Variants in THSD4 observed in about 807,000 individuals in gnomAD.
THSD4 encodes thrombospondin type 1 domain containing 4.
THSD4 carries 69 observed loss-of-function variants against 119.0 expected under a neutral mutation model. The ratio of observed to expected loss-of-function variants is 0.58; its 90% confidence interval spans 0.48 to 0.71. THSD4 has a LOEUF of 0.71. Ranked by LOEUF, THSD4 falls within the 30% of genes least tolerant of loss-of-function variation. The probability of loss-of-function intolerance (pLI) is 0.00; values close to 1 mark genes in which losing one functional copy is unlikely to be tolerated. For synonymous variants in THSD4, 524 were observed against 540.4 expected (o/e 0.97, Z 0.42); for missense variants, 1,393 against 1,391.1 (o/e 1.00, Z -0.02).
intron 7 of THSD4, among the ~76,000 whole-genome samples, chr15:71,467,067 G>A (rs12907251): frequency 0.18 from 27,019 of 152,180 alleles, 2,741 homozygotes; most frequent in South Asian, 0.36. Flanking sequence ...ACCATTTCCC[G>A]TGGCTTCCAG....
At chr15:71,513,087 A>G (rs1278613901) in intron 7 of THSD4, among the ~76,000 whole-genome samples, 1 of 149,638 alleles carries the variant, frequency 6.7e-6, no homozygotes, top group Non-Finnish European at 1.5e-5. Flanking sequence ...AGTGTTGAAG[A>G]AGATGCAGAA....
At chr15:71,365,606 T>G (rs1472491691) in intron 6 of THSD4, among the ~76,000 whole-genome samples, 2 of 152,216 alleles carry the variant, frequency 1.3e-5, no homozygotes, top group African/African-American at 4.8e-5. Flanking sequence ...GTTCTCTTGC[T>G]TCCTTGGGAG....
intron 6 of THSD4, among the ~76,000 whole-genome samples, chr15:71,266,532 C>G (rs183014907): frequency 1.3e-5 from 2 of 152,080 alleles, no homozygotes; most frequent in East Asian, 3.9e-4. Flanking sequence ...CTGAAAATTC[C>G]AAAAACCAGA....
chr15:71,589,230 T>TTATGATCTGTGCAGCAAACCACCATGG (rs1199518685), intron 7 of THSD4, among the ~76,000 whole-genome samples: 7 of 142,112 alleles, frequency 4.9e-5, no homozygotes, highest in Admixed American at 7.0e-5. Flanking sequence ...TTGAATATAT[T>TTATGATCTGTGCAGCAAACCACCATGG]AAAGGACATA....
chr15:71,720,120 G>A (rs531176410), intron 8 of THSD4, among the ~76,000 whole-genome samples: 4 of 132,904 alleles, frequency 3.0e-5, no homozygotes, highest in Non-Finnish European at 6.2e-5. Flanking sequence ...GTACAATTAC[G>A]GCTCACTGCA....
rs563280153 is a variant in THSD4, at chr15:71,698,208, A to G, written c.1358-30341A>G. Among the ~76,000 whole-genome samples, 7 of 152,324 alleles carry G rather than the reference A, an allele frequency of 4.6e-5. 1 individual carries two copies. The South Asian group carries it at 8.3e-4, about 18-fold the overall frequency. On this transcript the variant is annotated intron_variant, in intron 8 of 17. Transcript: ENST00000261862. ...TAAGTACCATTCCCTGCCCTTGGAT[A>G]ACTCAGTCTAGAGGAGAGACAGAAG...
At chr15:71,346,298 CAG>C (rs563702271) in intron 6 of THSD4, among the ~76,000 whole-genome samples, 9 of 152,190 alleles carry the variant, frequency 5.9e-5, no homozygotes, top group Admixed American at 1.3e-4. Context: ...AGGAAAATAA[CAG>C]AAGTGATGGG....
intron 6 of THSD4, among the ~76,000 whole-genome samples, chr15:71,315,496 G>C (rs559710198): frequency 3.7e-4 from 56 of 152,324 alleles, no homozygotes; most frequent in Middle Eastern, 6.8e-3. Flanking sequence ...CACACAGCGG[G>C]TGGTCTTCTC....
intron 4 of THSD4, among the ~76,000 whole-genome samples, chr15:71,221,406 A>T (rs2043974876): frequency 6.6e-6 from 1 of 152,178 alleles, no homozygotes; most frequent in African/African-American, 2.4e-5. Context: ...TTCAAAACTG[A>T]AACTGTACCC....
intron 5 of THSD4, among the ~76,000 whole-genome samples, chr15:71,252,270 C>T (rs2044267371): frequency 6.6e-6 from 1 of 152,202 alleles, no homozygotes; most frequent in South Asian, 2.1e-4. Flanking sequence ...TGACTCAGTC[C>T]ATGACATCAG....
Position 71,521,004 on chromosome 15 carries a change from C to G in THSD4, c.1152+109181C>G, listed in dbSNP as rs555408282. On this transcript the variant is annotated intron_variant, in intron 7 of 17. Coordinates refer to ENST00000261862, the MANE Select transcript of THSD4 (RefSeq NM_024817.3). ...GTGGCTAGCATCTTCCTTCCGTGAC[C>G]ATACTGATGTTGAAATGTTGGTAGA... Among the ~76,000 whole-genome samples, 6 of 152,292 alleles carry G rather than the reference C, an allele frequency of 3.9e-5. No homozygotes were observed. In the South Asian group the frequency reaches 1.0e-3, roughly 26 times the overall value.
Position 71,338,991 on chromosome 15 carries a change from G to A in THSD4, c.1016-72696G>A, listed in dbSNP as rs180673248. On this transcript the variant is annotated intron_variant, in intron 6 of 17. Transcript: ENST00000261862. ...GTGCCTGAGTGACCAGTGTTTACGA[G>A]TTAAAAGCAGGCTCCTTGCAGGACA... 1.1e-3 allele frequency among the ~76,000 whole-genome samples: 172 copies of A among 152,246 alleles called. 1 individual carries two copies. The highest frequency in any genetic ancestry group is 2.0e-3 in the Non-Finnish European group (139 of 68,016).
chr15:71,534,750 G>A (rs190357528), intron 7 of THSD4, among the ~76,000 whole-genome samples: 4 of 152,284 alleles, frequency 2.6e-5, no homozygotes, highest in Non-Finnish European at 4.4e-5. Context: ...AGGCCAAGGC[G>A]GGCGGATCAC....
At chr15:71,368,809 C>T (rs2046003573) in intron 6 of THSD4, among the ~76,000 whole-genome samples, 1 of 152,074 alleles carries the variant, frequency 6.6e-6, no homozygotes, top group Non-Finnish European at 1.5e-5. Context: ...TAGTTTTTTC[C>T]AATTCTGTGA....
intron 8 of THSD4, among the ~76,000 whole-genome samples, chr15:71,688,385 A>C (rs192135456): frequency 3.3e-4 from 51 of 152,348 alleles, no homozygotes; most frequent in Non-Finnish European, 3.8e-4. Context: ...CCAGTGAATT[A>C]ATCCTGATGT....
chr15:71,730,968 T>G, intron 9 of THSD4, 153 bp from the exon 10 acceptor site: 1 of 645,946 alleles, frequency 1.5e-6, no homozygotes, highest in South Asian at 2.0e-5. Flanking sequence ...AGGAATAACT[T>G]TGTTTAATCT....
chr15:71,496,085 C>G (rs1174184952), intron 7 of THSD4, among the ~76,000 whole-genome samples: 1 of 152,148 alleles, frequency 6.6e-6, no homozygotes, highest in Non-Finnish European at 1.5e-5. Context: ...AAATACCATC[C>G]TTTGGTTTCT....
chr15:71,765,816 G>A (rs1291897918), intron 16 of THSD4, among the ~76,000 whole-genome samples: 1 of 147,644 alleles, frequency 6.8e-6, no homozygotes, highest in African/African-American at 2.7e-5. Context: ...GTGTGTGTGT[G>A]TGTGTACACT....
At chr15:71,211,794 C>A (rs1304850790) in intron 3 of THSD4, among the ~76,000 whole-genome samples, 1 of 152,172 alleles carries the variant, frequency 6.6e-6, no homozygotes, top group Non-Finnish European at 1.5e-5. Flanking sequence ...CTGCTTTGGT[C>A]TTCACATGTC....
Sources: allele counts gnomAD v4.1 joint callset (sites outside exome capture counted in the v4.1 genomes callset), GRCh38; gene constraint gnomAD v4.1.1; transcripts MANE v1.5; gene names NCBI Gene and HGNC (gene_info 2026-07-23, HGNC 2026-07-21).